CADM2: variants seen among roughly 807,000 people sequenced by gnomAD.
The protein encoded by CADM2 is immunoglobulin superfamily member 4D.
CADM2 carries 12 observed loss-of-function variants against 49.8 expected under a neutral mutation model. That is an observed-to-expected ratio of 0.24 (90% CI 0.15 to 0.39). The LOEUF (loss-of-function observed/expected upper bound fraction) is 0.39. CADM2 is among the 10% of genes least tolerant of loss of function. CADM2 has a pLI of 1.00. For synonymous variants in CADM2, 214 were observed against 175.4 expected (o/e 1.22, Z -1.74); for missense variants, 378 against 492.3 (o/e 0.77, Z 2.20).
At chr3:85,398,155 C>A (rs997279608) in intron 1 of CADM2, among the ~76,000 whole-genome samples, 4 of 152,044 alleles carry the variant, frequency 2.6e-5, no homozygotes, top group African/African-American at 4.8e-5. Flanking sequence ...TTCCCTCCCC[C>A]CTTCCCCCAC....
chr3:85,563,133 A>G (rs2062147326), intron 1 of CADM2, among the ~76,000 whole-genome samples: 1 of 152,176 alleles, frequency 6.6e-6, no homozygotes, highest in Non-Finnish European at 1.5e-5. Context: ...AGTCACCTGG[A>G]AAATGAACGT....
At chr3:85,283,518 A>G (rs2043555863) in intron 1 of CADM2, among the ~76,000 whole-genome samples, 1 of 152,024 alleles carries the variant, frequency 6.6e-6, no homozygotes, top group Non-Finnish European at 1.5e-5. Flanking sequence ...AGCAGAAAAT[A>G]TTTATTTTAT....
chr3:85,541,279 C>T (rs75805486), intron 1 of CADM2, among the ~76,000 whole-genome samples: 3 of 150,660 alleles, frequency 2.0e-5, no homozygotes, highest in Non-Finnish European at 3.0e-5. Flanking sequence ...ATATATGTCA[C>T]ATATACACAC....
intron 1 of CADM2, among the ~76,000 whole-genome samples, chr3:85,636,146 C>T (rs1282747807): frequency 6.6e-6 from 1 of 152,154 alleles, no homozygotes; most frequent in East Asian, 1.9e-4. Context: ...GCAAGTCCTT[C>T]AGGAAGTATT....
intron 1 of CADM2, among the ~76,000 whole-genome samples, chr3:85,355,453 G>A (rs924974130): frequency 1.1e-4 from 17 of 152,072 alleles, no homozygotes; most frequent in Non-Finnish European, 2.1e-4. Flanking sequence ...CACTTCGTAT[G>A]TAGATTTGTT....
chr3:85,711,672 CTG>C (rs1475492838), intron 1 of CADM2, among the ~76,000 whole-genome samples: 2 of 152,068 alleles, frequency 1.3e-5, no homozygotes, highest in African/African-American at 4.8e-5. Context: ...GAAGATAAAA[CTG>C]TTTTTATTTT....
chr3:85,643,948 A>T (rs933131593), intron 1 of CADM2, among the ~76,000 whole-genome samples: 2 of 152,110 alleles, frequency 1.3e-5, no homozygotes, highest in Non-Finnish European at 2.9e-5. Context: ...TTAGCATATG[A>T]ATTTTTCAAT....
chr3:85,504,872 C>T (rs542707135), intron 1 of CADM2, among the ~76,000 whole-genome samples: 1,556 of 152,228 alleles, frequency 0.01, 22 homozygotes, highest in Non-Finnish European at 0.017. Context: ...GCCGGTGGGC[C>T]GGCACTGCTG....
intron 8 of CADM2, chr3:85,993,652 C>T (rs1431528554): frequency 2.6e-5 from 4 of 152,054 alleles, no homozygotes; most frequent in Admixed American, 6.6e-5. Context: ...TAAAATTATT[C>T]CTTGATCCAT....
At chr3:85,407,133 T>C (rs1230626793) in intron 1 of CADM2, among the ~76,000 whole-genome samples, 1 of 152,098 alleles carries the variant, frequency 6.6e-6, no homozygotes, top group Non-Finnish European at 1.5e-5. Flanking sequence ...ACCTGGGAAG[T>C]CCAGGCTGCA....
At chr3:85,023,168 A>T (rs897066876) in intron 1 of CADM2, among the ~76,000 whole-genome samples, 6 of 152,122 alleles carry the variant, frequency 3.9e-5, no homozygotes, top group Non-Finnish European at 8.8e-5. Flanking sequence ...AATTTTAGAA[A>T]AAAGACATGC....
intron 2 of CADM2, among the ~76,000 whole-genome samples, chr3:85,745,588 G>A (rs1468268010): frequency 6.6e-6 from 1 of 152,128 alleles, no homozygotes; most frequent in Non-Finnish European, 1.5e-5. Context: ...TACGTGGGCT[G>A]GGTGTGGTGG....
chr3:85,969,021 GC>G (rs1559773143), intron 8 of CADM2, among the ~76,000 whole-genome samples: 1 of 151,572 alleles, frequency 6.6e-6, no homozygotes, highest in East Asian at 2.0e-4. Context: ...CATCAACGTT[GC>G]TTCCAAATCA....
chr3:85,194,117 A>G (rs1198946459), intron 1 of CADM2, among the ~76,000 whole-genome samples: 1 of 152,092 alleles, frequency 6.6e-6, no homozygotes, highest in Non-Finnish European at 1.5e-5. Flanking sequence ...GTGAAAGAAG[A>G]GAAGAGTGGT....
At chr3:85,062,037 GTCTC>G (rs994463032) in intron 1 of CADM2, among the ~76,000 whole-genome samples, 11 of 150,544 alleles carry the variant, frequency 7.3e-5, no homozygotes, top group South Asian at 4.2e-4. Flanking sequence ...CTGTCTCTCT[GTCTC>G]TCTCTCTGTC....
At chr3:85,051,465 A>C (rs1307284216) in intron 1 of CADM2, among the ~76,000 whole-genome samples, 1 of 152,154 alleles carries the variant, frequency 6.6e-6, no homozygotes, top group Admixed American at 6.5e-5. Flanking sequence ...TATTTTTATC[A>C]AGGTCAAAGC....
At chr3:85,421,019 G>T (rs1025382475) in intron 1 of CADM2, among the ~76,000 whole-genome samples, 2 of 152,070 alleles carry the variant, frequency 1.3e-5, no homozygotes, top group African/African-American at 4.8e-5. Context: ...AGAAAATACA[G>T]TCTTCACCCA....
chr3:85,651,744 C>T (rs1409141399), intron 1 of CADM2, among the ~76,000 whole-genome samples: 3 of 152,088 alleles, frequency 2.0e-5, no homozygotes, highest in Non-Finnish European at 4.4e-5. Flanking sequence ...CAAACTCTGA[C>T]TACACCCTTG....
At chr3:85,621,294 A>T (rs1287781062) in intron 1 of CADM2, among the ~76,000 whole-genome samples, 1 of 152,154 alleles carries the variant, frequency 6.6e-6, no homozygotes, top group Non-Finnish European at 1.5e-5. Flanking sequence ...AAACCAGTGT[A>T]TAGAAGCTGC....
Sources: gnomAD v4.1 joint callset for allele counts (sites outside exome capture counted in the v4.1 genomes callset) on GRCh38, gnomAD v4.1.1 for gene constraint, MANE v1.5 for transcripts, NCBI Gene and HGNC (gene_info 2026-07-23, HGNC 2026-07-21) for gene names.